MAML3: variants seen among roughly 807,000 people sequenced by gnomAD.
MAML3 encodes the protein mastermind like transcriptional coactivator 3.
A neutral mutation model predicts 101.9 loss-of-function variants in MAML3; 27 were observed. That is an observed-to-expected ratio of 0.27 (90% CI 0.20 to 0.37). The LOEUF (loss-of-function observed/expected upper bound fraction) is 0.37, where lower values mean the gene tolerates loss of function less well. MAML3 is among the 10% of genes least tolerant of loss of function. The pLI is 1.00. For missense variants in MAML3, 1,316 were observed against 1,444.9 expected, an observed-to-expected ratio of 0.91 and a Z score of 1.45; for synonymous variants, 501 against 555.9, an observed-to-expected ratio of 0.90 and a Z score of 1.39.
chr4:139,942,733 T>C (rs1021583816), intron 1 of MAML3, among the ~76,000 whole-genome samples: 4 of 152,182 alleles, frequency 2.6e-5, no homozygotes, highest in African/African-American at 9.7e-5. Context: ...GTATATTTCT[T>C]ATGTGTAAAC....
chr4:139,977,743 T>G (rs1734369041), intron 1 of MAML3, among the ~76,000 whole-genome samples: 1 of 151,878 alleles, frequency 6.6e-6, no homozygotes, highest in Admixed American at 6.6e-5. Context: ...TGTGGTGGCA[T>G]GTGCCTGTAA....
intron 1 of MAML3, among the ~76,000 whole-genome samples, chr4:140,065,393 G>A (rs1038768607): frequency 2.6e-5 from 4 of 151,814 alleles, no homozygotes; most frequent in Non-Finnish European, 5.9e-5. Context: ...CATATCAGCT[G>A]GCTCTACTGA....
intron 1 of MAML3, among the ~76,000 whole-genome samples, chr4:140,151,163 G>A (rs975466667): frequency 1.3e-5 from 2 of 152,038 alleles, no homozygotes; most frequent in African/African-American, 4.8e-5. Context: ...GTTCCAAAAG[G>A]GAGGAAGAAG....
At chr4:139,882,447 T>A (rs1458086688) in intron 2 of MAML3, among the ~76,000 whole-genome samples, 1 of 151,746 alleles carries the variant, frequency 6.6e-6, no homozygotes, top group Non-Finnish European at 1.5e-5. Flanking sequence ...AAAAAACAGG[T>A]TACACACATA....
intron 1 of MAML3, among the ~76,000 whole-genome samples, chr4:140,146,019 G>A (rs1488915522): frequency 2.0e-5 from 3 of 150,486 alleles, no homozygotes; most frequent in East Asian, 2.0e-4. Context: ...GATTACAGGC[G>A]TGTGCCACCA....
At chr4:139,782,953 A>G (rs1366665391) in intron 2 of MAML3, among the ~76,000 whole-genome samples, 1 of 152,116 alleles carries the variant, frequency 6.6e-6, no homozygotes, top group African/African-American at 2.4e-5. Context: ...CCTATGCTCC[A>G]AATTTGGCTT....
chr4:140,072,490 A>C (rs1727676670), intron 1 of MAML3, among the ~76,000 whole-genome samples: 1 of 151,880 alleles, frequency 6.6e-6, no homozygotes. Context: ...GACCAACATA[A>C]AGAAACCTCG....
chr4:140,065,032 C>T (rs1388740736), intron 1 of MAML3, among the ~76,000 whole-genome samples: 2 of 152,130 alleles, frequency 1.3e-5, no homozygotes, highest in African/African-American at 4.8e-5. Flanking sequence ...TTCTAATCAC[C>T]ACCAGTCAGT....
chr4:140,054,503 T>C (rs1727320320), intron 1 of MAML3, among the ~76,000 whole-genome samples: 1 of 152,244 alleles, frequency 6.6e-6, no homozygotes, highest in South Asian at 2.1e-4. Flanking sequence ...TTAACTTAGT[T>C]TCTATGAGGA....
In MAML3 at chr4:140,151,690, CGG is replaced by C. The variant is rs397995581; in HGVS notation, c.468+1168_468+1169del. On this transcript the variant is annotated intron_variant, in intron 1 of 4. Transcript: ENST00000509479. ...CACCCAGCACCCGGGCGGCGCGGTG[CGG>C]GGGGGGGGGGCACACACCTTTCCCA... Among the ~76,000 whole-genome samples the C allele has an allele frequency of 3.5e-3, 439 of 125,588 alleles. 3 individuals are homozygous for C. Among genetic ancestry groups the C allele is most frequent in the African/African-American group, 7.1e-3 (248 of 34,996 alleles). 82.4% of individuals were successfully genotyped at this position (125,588 alleles called of 152,430 possible). A position where few individuals can be genotyped will look rare whatever the true frequency, so the allele number is the denominator to read the frequency against.
intron 1 of MAML3, among the ~76,000 whole-genome samples, chr4:140,001,750 T>C (rs916398784): frequency 2.4e-4 from 37 of 152,328 alleles, no homozygotes; most frequent in African/African-American, 8.7e-4. Flanking sequence ...GTATCTGTAC[T>C]TCACAAAAGT....
At chr4:140,001,484 C>T (rs1430124361) in intron 1 of MAML3, among the ~76,000 whole-genome samples, 4 of 152,138 alleles carry the variant, frequency 2.6e-5, no homozygotes, top group East Asian at 1.9e-4. Context: ...TTGTTGGGGT[C>T]GGCACAGAGC....
At chr4:139,813,140 A>G (rs10006603) in intron 2 of MAML3, among the ~76,000 whole-genome samples, 13,058 of 151,870 alleles carry the variant, frequency 0.086, 684 homozygotes, top group African/African-American at 0.11. Context: ...ATAGAACAAA[A>G]GTAAAAAATA....
chr4:140,020,209 T>C (rs1298731800), intron 1 of MAML3, among the ~76,000 whole-genome samples: 1 of 152,232 alleles, frequency 6.6e-6, no homozygotes, highest in Non-Finnish European at 1.5e-5. Flanking sequence ...AGGCCTGTGC[T>C]ATCTCAGCTG....
chr4:140,095,297 T>A (rs1234210296), intron 1 of MAML3, among the ~76,000 whole-genome samples: 1 of 152,194 alleles, frequency 6.6e-6, no homozygotes, highest in Non-Finnish European at 1.5e-5. Context: ...CCACTGTCCA[T>A]GTTGGAGATC....
At chr4:140,121,597 TAG>T (rs1395180971) in intron 1 of MAML3, among the ~76,000 whole-genome samples, 6 of 152,346 alleles carry the variant, frequency 3.9e-5, no homozygotes, top group Middle Eastern at 3.4e-3. Context: ...AAGCAAAAAC[TAG>T]AGTTTTACAG....
At chr4:139,849,881 C>T (rs1181188656) in intron 2 of MAML3, among the ~76,000 whole-genome samples, 2 of 152,086 alleles carry the variant, frequency 1.3e-5, no homozygotes, top group Non-Finnish European at 2.9e-5. Context: ...ATATTTGGTA[C>T]ATTTATAGGA....
intron 1 of MAML3, among the ~76,000 whole-genome samples, chr4:139,939,923 C>A (rs1000073769): frequency 1.3e-5 from 2 of 152,110 alleles, no homozygotes; most frequent in African/African-American, 2.4e-5. Flanking sequence ...CGCCACCACA[C>A]CCAGCTAATT....
At chr4:139,799,403 G>T (rs530421583) in intron 2 of MAML3, among the ~76,000 whole-genome samples, 1 of 152,170 alleles carries the variant, frequency 6.6e-6, no homozygotes, top group Non-Finnish European at 1.5e-5. Context: ...TACTTTCAAG[G>T]TTGAAACGAC....
Sources: allele counts gnomAD v4.1 joint callset (sites outside exome capture counted in the v4.1 genomes callset), GRCh38; gene constraint gnomAD v4.1.1; transcripts MANE v1.5; gene names NCBI Gene and HGNC (gene_info 2026-07-23, HGNC 2026-07-21).